DHRS7B: variants seen among roughly 807,000 people sequenced by gnomAD.
DHRS7B encodes dehydrogenase/reductase 7B.
Under a neutral mutation model 26.4 loss-of-function variants are expected in DHRS7B, and 24 were observed. The observed-to-expected ratio is 0.91, with a 90% CI of 0.66 to 1.28. The LOEUF (loss-of-function observed/expected upper bound fraction) is 1.28. DHRS7B is among the 50% of genes most tolerant of loss of function. DHRS7B has a pLI of 0.00. For synonymous variants in DHRS7B, 142 were observed against 166.4 expected (o/e 0.85, Z 1.13); for missense variants, 368 against 419.4 (o/e 0.88, Z 1.07).
At position 21,172,850 on chromosome 17, in the gene DHRS7B, C is replaced by G. The variant is rs138015297; in HGVS notation, c.199+654C>G. On this transcript the variant is annotated intron_variant, in intron 2 of 6. Transcript: ENST00000395511. ...GGGACCCTGGCCTGGAGTGTCAAAA[C>G]CTGGGTTCCCCCTTCTCCCATTTCT... 3.2e-3 allele frequency among the ~76,000 whole-genome samples: 486 copies of G among 152,350 alleles called. 6 individuals carry two copies. Among genetic ancestry groups the G allele is most frequent in the African/African-American group, 0.011 (457 of 41,582 alleles).
chr17:21,127,916 A>C (rs533090874), intron 1 of DHRS7B: 1 of 152,186 alleles, frequency 6.6e-6, no homozygotes, highest in Non-Finnish European at 1.5e-5. Flanking sequence ...AGGGTGTGGA[A>C]TATGCCTTCC....
chr17:21,144,688 C>T (rs1265225730), intron 1 of DHRS7B, among the ~76,000 whole-genome samples: 2 of 151,918 alleles, frequency 1.3e-5, no homozygotes, highest in African/African-American at 2.4e-5. Flanking sequence ...CATAGTGGTG[C>T]GTGCCTGTAA....
In DHRS7B at chr17:21,191,210, T is replaced by C; in HGVS notation, c.*57T>C. ...GCAGCACTCTTAGGCTTGCTTACTCTACAAGGGACAGTTGCATTTGTTGAG... is the reference window on the plus strand; with the variant it reads ...GCAGCACTCTTAGGCTTGCTTACTCCACAAGGGACAGTTGCATTTGTTGAG... On this transcript the variant is annotated 3_prime_UTR_variant, in exon 7 of 7. Coordinates refer to ENST00000395511, the MANE Select transcript of DHRS7B (RefSeq NM_015510.5). 6.5e-7 allele frequency: 1 copy of C among 1,544,264 alleles called. No individual in the cohort carries two copies. Among genetic ancestry groups the C allele is most frequent in the Non-Finnish European group, 8.9e-7 (1 of 1,122,678 alleles).
rs1974388605 is a variant in DHRS7B at position 21,176,786 on chromosome 17, A to T, written c.200-1447A>T. 2.0e-5 allele frequency among the ~76,000 whole-genome samples: 3 copies of T among 152,038 alleles called. No homozygotes were observed. In the South Asian group the frequency reaches 6.2e-4, roughly 32 times the overall value. ...CTACCGTGTTTGATAGATAAAAAGC[A>T]TCCTAAATAAGAGGAAAGTCAGAAA... On this transcript the variant is annotated intron_variant, in intron 2 of 6. Transcript: ENST00000395511.
intron 1 of DHRS7B, among the ~76,000 whole-genome samples, chr17:21,135,426 T>A (rs1973320500): frequency 6.6e-6 from 1 of 152,204 alleles, no homozygotes; most frequent in South Asian, 2.1e-4. Context: ...TGGGAAAGTT[T>A]GTCAAATATC....
At chr17:21,163,172 G>A (rs1031739095) in intron 1 of DHRS7B, among the ~76,000 whole-genome samples, 2 of 149,642 alleles carry the variant, frequency 1.3e-5, no homozygotes, top group African/African-American at 4.9e-5. Context: ...CTACAGCCTG[G>A]GTGACAGAGC....
intron 1 of DHRS7B, among the ~76,000 whole-genome samples, chr17:21,148,716 A>C (rs867496700): frequency 7.9e-5 from 12 of 152,332 alleles, no homozygotes; most frequent in Middle Eastern, 6.8e-3. Context: ...ACTGCACTCC[A>C]GCCTAGGCGA....
chr17:21,136,665 CCTGCCTCAG>C (rs1973350322), intron 1 of DHRS7B, among the ~76,000 whole-genome samples: 1 of 152,036 alleles, frequency 6.6e-6, no homozygotes. Flanking sequence ...GATTCATTCT[CCTGCCTCAG>C]ACTCCTGAGT....
intron 1 of DHRS7B, among the ~76,000 whole-genome samples, chr17:21,159,430 T>G (rs1973952260): frequency 7.0e-6 from 1 of 143,456 alleles, no homozygotes; most frequent in Admixed American, 7.0e-5. Context: ...TTTTTTTTTG[T>G]ATTTTTAGTA....
At chr17:21,148,521 A>G (rs1597737221) in intron 1 of DHRS7B, among the ~76,000 whole-genome samples, 1 of 152,150 alleles carries the variant, frequency 6.6e-6, no homozygotes, top group African/African-American at 2.4e-5. Flanking sequence ...CTGAGGATGG[A>G]TCACTTTAAG....
intron 1 of DHRS7B, among the ~76,000 whole-genome samples, chr17:21,138,110 A>G (rs1212173549): frequency 1.5e-5 from 2 of 137,592 alleles, no homozygotes; most frequent in Non-Finnish European, 3.1e-5. Flanking sequence ...ATACACACAC[A>G]CACACACACA....
chr17:21,148,781 A>G (rs947281121), intron 1 of DHRS7B, among the ~76,000 whole-genome samples: 2 of 152,140 alleles, frequency 1.3e-5, no homozygotes, highest in Non-Finnish European at 2.9e-5. Context: ...ACAGAGGTAA[A>G]AAAAAAATGA....
At chr17:21,183,474 T>C in intron 3 of DHRS7B, 120 bp from the exon 4 acceptor site, 1 of 928,158 alleles carries the variant, frequency 1.1e-6, no homozygotes, top group South Asian at 1.6e-5. Context: ...TGCTATTCTT[T>C]TTCTAGTTCC....
Position 21,184,358 on chromosome 17 carries a change from C to T in DHRS7B, c.527-13C>T, listed in dbSNP as rs3744226. On this transcript the variant is annotated splice_polypyrimidine_tract_variant and intron_variant, in intron 4 of 6. Coordinates refer to ENST00000395511, the MANE Select transcript of DHRS7B (RefSeq NM_015510.5). The stretch of plus-strand genomic sequence containing the variant: ...AGTAGGGCGCTTGCCTAAGCCTCTG[C>T]ATCTGTCCTCAGCACTCCTGCCCTC... The T allele has an allele frequency of 0.34, 547,734 of 1,609,366 alleles. 94,161 individuals are homozygous for T. Among genetic ancestry groups the T allele is most frequent in the Middle Eastern group, 0.39 (2,335 of 6,040 alleles).
intron 1 of DHRS7B, among the ~76,000 whole-genome samples, chr17:21,148,165 T>G (rs970160406): frequency 1.3e-5 from 2 of 152,008 alleles, no homozygotes; most frequent in African/African-American, 4.8e-5. Context: ...TCCTCCCACC[T>G]AAGCCTCCCA....
chr17:21,156,328 G>A (rs756804594), intron 1 of DHRS7B, among the ~76,000 whole-genome samples: 31 of 152,186 alleles, frequency 2.0e-4, no homozygotes, highest in Middle Eastern at 3.4e-3. Context: ...AAATGTAGCC[G>A]GGCGTGGGGG....
At position 21,164,996 on chromosome 17, in the gene DHRS7B, C is replaced by CT. The variant is rs544273925; in HGVS notation, c.21-7016dup. Among the ~76,000 whole-genome samples the CT allele has an allele frequency of 9.8e-5, 15 of 152,340 alleles. No individual in the cohort carries two copies. In the East Asian group the frequency reaches 2.5e-3, roughly 25 times the overall value. On this transcript the variant is annotated intron_variant, in intron 1 of 6. Coordinates refer to ENST00000395511, the MANE Select transcript of DHRS7B (RefSeq NM_015510.5). ...TTCTGAAATCCTCTCTGGGAATTGCCTTTTTTCAGTCAGTTTATGATTCAA... is the reference window on the plus strand; with the variant it reads ...TTCTGAAATCCTCTCTGGGAATTGCCTTTTTTTCAGTCAGTTTATGATTCAA...
chr17:21,138,784 C>A (rs1973425305), intron 1 of DHRS7B, among the ~76,000 whole-genome samples: 1 of 151,834 alleles, frequency 6.6e-6, no homozygotes, highest in African/African-American at 2.4e-5. Context: ...GTTTTTTTAG[C>A]AAGAATGTTT....
At chr17:21,137,649 G>T (rs1480167267) in intron 1 of DHRS7B, among the ~76,000 whole-genome samples, 1 of 152,008 alleles carries the variant, frequency 6.6e-6, no homozygotes, top group Admixed American at 6.6e-5. Context: ...TAGAGACGGG[G>T]TTTCTCCATG....
Sources: allele counts gnomAD v4.1 joint callset (sites outside exome capture counted in the v4.1 genomes callset), GRCh38; gene constraint gnomAD v4.1.1; transcripts MANE v1.5; gene names NCBI Gene and HGNC (gene_info 2026-07-23, HGNC 2026-07-21).